The following SEMA4G variants were observed in gnomAD, a reference collection of about 807,000 sequenced individuals.
SEMA4G encodes semaphorin 4G, also known as semaphorin-4G.
SEMA4G carries 59 observed loss-of-function variants against 81.2 expected under a neutral mutation model. The observed-to-expected ratio is 0.73, with a 90% CI of 0.59 to 0.90. The LOEUF is 0.90. Ranked by LOEUF, SEMA4G falls within the 40% of genes least tolerant of loss-of-function variation. The pLI is 0.00. For synonymous variants in SEMA4G, 404 were observed against 433.9 expected (o/e 0.93, Z 0.86); for missense variants, 952 against 1,102.3 (o/e 0.86, Z 1.93).
exon 14 of SEMA4G, chr10:100,983,453 C>A (rs148516703): frequency 6.2e-7 from 1 of 1,614,046 alleles, no homozygotes; most frequent in African/African-American, 1.3e-5. Flanking sequence ...ACCGTGTGGG[C>A]GTGGACGGGC....
intron 8 of SEMA4G, 104 bp from the exon 10 acceptor site, chr10:100,979,744 A>T (rs1850966785): frequency 1.5e-6 from 2 of 1,343,148 alleles, no homozygotes; most frequent in African/African-American, 2.9e-5. Flanking sequence ...GTGGGACTAT[A>T]GCTGGGGTTG....
chr10:100,980,712 C>A lies in SEMA4G; in HGVS notation c.1467+19C>A. On this transcript the variant is annotated intron_variant, in intron 11 of 13. Coordinates refer to ENST00000370250, the Ensembl canonical transcript of SEMA4G. Reference sequence around the variant, plus strand: ...ATTGCAGGTAGCCCTTCTCTGTGACCCTTAATATAGCCTTGCTGAAATAGG... The same window carrying A: ...ATTGCAGGTAGCCCTTCTCTGTGACACTTAATATAGCCTTGCTGAAATAGG... The A allele has an allele frequency of 6.2e-7, 1 of 1,609,332 alleles. No individual in the cohort carries two copies. The highest frequency in any genetic ancestry group is 1.1e-5 in the South Asian group (1 of 90,972).
At chr10:100,971,861 A>T (rs1850643322), upstream of SEMA4G, among the ~76,000 whole-genome samples, 1 of 152,132 alleles carries the variant, frequency 6.6e-6, no homozygotes, top group South Asian at 2.1e-4. Context: ...TGCACACTAC[A>T]GCCTTCTGCA....
intron 8 of SEMA4G, 102 bp downstream of exon 9, chr10:100,979,373 CT>C (rs1564796135): frequency 1.3e-6 from 2 of 1,589,428 alleles, no homozygotes; most frequent in Non-Finnish European, 8.6e-7. Flanking sequence ...GGAGGTCTGG[CT>C]GCAAAGTGAG....
chr10:100,979,793 G>A, intron 8 of SEMA4G, 55 bp from the exon 10 acceptor site: 1 of 1,599,096 alleles, frequency 6.3e-7, no homozygotes, highest in Non-Finnish European at 8.5e-7. Flanking sequence ...GCACGAGTTG[G>A]GGGGCAGGCT....
At chr10:100,978,690 A>ATT in intron 6 of SEMA4G, 50 bp downstream of exon 7, 1 of 1,583,934 alleles carries the variant, frequency 6.3e-7, no homozygotes, top group Non-Finnish European at 8.7e-7. Flanking sequence ...CTATTTCTTC[A>ATT]TTTTTACTCC....
chr10:100,977,134 A>G (rs1262132078), intron 3 of SEMA4G, among the ~76,000 whole-genome samples: 1 of 152,158 alleles, frequency 6.6e-6, no homozygotes, highest in Non-Finnish European at 1.5e-5. Context: ...TTTAGGAAAG[A>G]TGTAGGTTAT....
chr10:100,977,260 G>A (rs1241988721), intron 3 of SEMA4G, among the ~76,000 whole-genome samples: 1 of 152,184 alleles, frequency 6.6e-6, no homozygotes, highest in African/African-American at 2.4e-5. Context: ...CCAGCGAGGA[G>A]GGCAGGAGTT....
chr10:100,973,899 C>T lies in SEMA4G; in HGVS notation c.336+290C>T, dbSNP rs1306416983. Among the ~76,000 whole-genome samples, 2 of 152,018 alleles carry T rather than the reference C, an allele frequency of 1.3e-5. No homozygotes were observed. The highest frequency in any genetic ancestry group is 4.8e-5 in the African/African-American group (2 of 41,378). ...GCTCAGGGGATCCTTCCACTTCAGC[C>T]TCCTGAGTAGCTAGGACCACGGGCA... On this transcript the variant is annotated intron_variant, in intron 3 of 13. Coordinates refer to ENST00000370250, the Ensembl canonical transcript of SEMA4G. The surrounding 1 kb of genome is among the most constrained non-coding windows in gnomAD (Gnocchi z 5.5).
chr10:100,984,676 A>T, exon 14 of SEMA4G: 2 of 1,536,208 alleles, frequency 1.3e-6, no homozygotes, highest in Non-Finnish European at 1.7e-6. Context: ...CTCCTGGTGC[A>T]TTCTTGTTTC....
exon 14 of SEMA4G, chr10:100,983,401 T>G (rs759761969): frequency 6.2e-7 from 1 of 1,612,444 alleles, no homozygotes; most frequent in Non-Finnish European, 8.5e-7. Context: ...GCCTTGTGGC[T>G]ACTCAATGGG....
chr10:100,985,109 G>T (rs1401448436), downstream of SEMA4G: 1 of 488,072 alleles, frequency 2.0e-6, no homozygotes. Flanking sequence ...GACCAACACT[G>T]CACTCAATGA....
chr10:100,971,397 G>A (rs1278969011), upstream of SEMA4G, among the ~76,000 whole-genome samples: 1 of 152,206 alleles, frequency 6.6e-6, no homozygotes, highest in Non-Finnish European at 1.5e-5. Context: ...GGGAGCCTAT[G>A]CCCTTTCAGG....
intron 10 of SEMA4G, 107 bp downstream of exon 11, chr10:100,980,451 C>T: frequency 7.4e-7 from 1 of 1,349,514 alleles, no homozygotes; most frequent in Non-Finnish European, 1.1e-6. Flanking sequence ...TCCTGAGGGT[C>T]CACTGCTCCT....
intron 10 of SEMA4G, 108 bp from the exon 12 acceptor site, chr10:100,980,470 C>A: frequency 7.4e-7 from 1 of 1,347,660 alleles, no homozygotes; most frequent in Non-Finnish European, 1.1e-6. Flanking sequence ...CTGGCTGAGT[C>A]CTTGTTCTGG....
At position 100,980,609 on chromosome 10, in the gene SEMA4G, G is replaced by C. The variant is rs200666280; in HGVS notation, c.1383G>C (p.Leu461=). The change falls in exon 11 of 14, where the codon CTG becomes CTC. Residue 461 remains leucine, a synonymous_variant. Coordinates refer to ENST00000370250, the Ensembl canonical transcript of SEMA4G. ...GCTGGATCCACAAGGCCGTAGTCCT[G>C]GGCTCTGGGATGCACATTATTGAAG... 62 of 1,614,182 alleles carry C rather than the reference G, an allele frequency of 3.8e-5. No homozygotes were observed. In the East Asian group the frequency reaches 1.4e-3, roughly 35 times the overall value.
chr10:100,980,724 C>T (rs374385096), intron 11 of SEMA4G, 31 bp downstream of exon 12: 10 of 1,608,568 alleles, frequency 6.2e-6, no homozygotes, highest in Non-Finnish European at 8.5e-6. Context: ...TTAATATAGC[C>T]TTGCTGAAAT....
At chr10:100,980,512 C>T in intron 10 of SEMA4G, 66 bp from the exon 12 acceptor site, 1 of 1,452,370 alleles carries the variant, frequency 6.9e-7, no homozygotes, top group Non-Finnish European at 9.7e-7. Flanking sequence ...TCGTATTAGG[C>T]CTCTTGCAGG....
chr10:100,979,722 A>T, intron 8 of SEMA4G, 126 bp from the exon 10 acceptor site: 1 of 1,086,338 alleles, frequency 9.2e-7, no homozygotes, highest in Non-Finnish European at 1.3e-6. Context: ...ACTGACTCAC[A>T]GGAGAGGCCC....
Sources: gnomAD v4.1 joint callset for allele counts (sites outside exome capture counted in the v4.1 genomes callset) on GRCh38, gnomAD v4.1.1 for gene constraint, Gnocchi (gnomAD v3.1) non-coding constraint, MANE v1.5 for transcripts, NCBI Gene and HGNC (gene_info 2026-07-23, HGNC 2026-07-21) for gene names.